SLCO3A1: variants seen among roughly 807,000 people sequenced by gnomAD.
SLCO3A1 encodes the protein solute carrier organic anion transporter family member 3A1, also known as PGE1 transporter.
Under a neutral mutation model 63.1 loss-of-function variants are expected in SLCO3A1, and 27 were observed. That is an observed-to-expected ratio of 0.43 (90% CI 0.32 to 0.59). The LOEUF (loss-of-function observed/expected upper bound fraction) is 0.59, where lower values mean the gene tolerates loss of function less well. SLCO3A1 is among the 20% of genes least tolerant of loss of function. The pLI is 0.09. For synonymous variants in SLCO3A1, 473 were observed against 409.9 expected, an observed-to-expected ratio of 1.15 and a Z score of -1.86; for missense variants, 773 against 945.8, an observed-to-expected ratio of 0.82 and a Z score of 2.40.
chr15:92,161,336 T>A (rs923202822), intron 9 of SLCO3A1, among the ~76,000 whole-genome samples: 1 of 152,232 alleles, frequency 6.6e-6, no homozygotes, highest in Non-Finnish European at 1.5e-5. Flanking sequence ...CCAAATGCTC[T>A]GATTTCAGTG....
chr15:91,929,486 C>T (rs923319799), intron 2 of SLCO3A1, among the ~76,000 whole-genome samples: 4 of 152,102 alleles, frequency 2.6e-5, no homozygotes, highest in African/African-American at 9.7e-5. Context: ...AGACTCAGCT[C>T]CTCCAGCTTA....
chr15:92,021,156 G>A lies in SLCO3A1; in HGVS notation c.647-73725G>A, dbSNP rs186322660. On this transcript the variant is annotated intron_variant, in intron 2 of 9. Transcript: ENST00000318445. ...TATGGTTGTGCTTGTTGTCATCATC[G>A]CATCCTCACATTTTTGGGTGGCCCA... Among the ~76,000 whole-genome samples the A allele has an allele frequency of 7.3e-4, 111 of 152,264 alleles. No homozygotes were observed. The Middle Eastern group carries it at 0.01, about 14-fold the overall frequency.
chr15:92,143,905 C>G (rs2048184521), intron 7 of SLCO3A1, among the ~76,000 whole-genome samples: 1 of 152,158 alleles, frequency 6.6e-6, no homozygotes, highest in African/African-American at 2.4e-5. Context: ...GGCATGGCTG[C>G]TCAGGAGATC....
At position 91,860,488 on chromosome 15, in the gene SLCO3A1, C is replaced by T. The variant is rs1180509347; in HGVS notation, c.180+6400C>T. On this transcript the variant is annotated intron_variant, in intron 1 of 9. Transcript: ENST00000318445. The surrounding 1 kb of genome is among the most constrained non-coding windows in gnomAD (Gnocchi z 5.5). ...TTGCTTTAACAGTAATGGTATAACC[C>T]TGCTCGTTGACATTAGCACCAACAA... is the stretch of plus-strand genomic sequence containing the variant. Among the ~76,000 whole-genome samples the T allele has an allele frequency of 6.6e-6, 1 of 152,186 alleles. No homozygotes were observed. Among genetic ancestry groups the T allele is most frequent in the Non-Finnish European group, 1.5e-5 (1 of 68,034 alleles).
intron 2 of SLCO3A1, among the ~76,000 whole-genome samples, chr15:91,998,777 T>A (rs1223178813): frequency 6.6e-6 from 1 of 152,132 alleles, no homozygotes; most frequent in African/African-American, 2.4e-5. Flanking sequence ...AACTCACCAA[T>A]CCCATTACTG....
At chr15:91,926,930 T>C (rs1254857779) in intron 2 of SLCO3A1, among the ~76,000 whole-genome samples, 2 of 152,140 alleles carry the variant, frequency 1.3e-5, no homozygotes, top group African/African-American at 2.4e-5. Flanking sequence ...TGTTAGACTT[T>C]GGTGACAGGC....
chr15:92,004,093 CCTT>C (rs2046286455), intron 2 of SLCO3A1, among the ~76,000 whole-genome samples: 2 of 152,214 alleles, frequency 1.3e-5, no homozygotes, highest in African/African-American at 2.4e-5. Flanking sequence ...CCCACCCAGA[CCTT>C]CTGGGAGAGG....
intron 2 of SLCO3A1, among the ~76,000 whole-genome samples, chr15:91,973,840 G>A (rs926076498): frequency 6.6e-6 from 1 of 152,182 alleles, no homozygotes; most frequent in Non-Finnish European, 1.5e-5. Context: ...GCAGGCTCTC[G>A]AAGTGGTTTG....
intron 2 of SLCO3A1, among the ~76,000 whole-genome samples, chr15:92,072,738 G>A (rs989621717): frequency 2.6e-5 from 4 of 151,980 alleles, no homozygotes; most frequent in Admixed American, 2.6e-4. Flanking sequence ...GGCTTTACTG[G>A]CATCCTCTGC....
rs1416716095 is a variant in SLCO3A1, at chr15:91,941,989, C to T, written c.646+25531C>T. Among the ~76,000 whole-genome samples the T allele has an allele frequency of 1.3e-5, 2 of 152,110 alleles. No homozygotes were observed. The highest frequency in any genetic ancestry group is 2.4e-5 in the African/African-American group (1 of 41,414). On this transcript the variant is annotated intron_variant, in intron 2 of 9. Coordinates refer to ENST00000318445, the MANE Select transcript of SLCO3A1 (RefSeq NM_013272.4). This position sits in a 1 kb window ranked among gnomAD's most constrained non-coding sequence, Gnocchi z 4.4. ...CTTTGAGCTAGGTCTTACCCATCCA[C>T]GACAAAAATGAGAGAACAGTACAAG...
chr15:92,098,679 G>C (rs145483533), intron 3 of SLCO3A1, among the ~76,000 whole-genome samples: 76 of 152,246 alleles, frequency 5.0e-4, no homozygotes, highest in African/African-American at 1.7e-3. Context: ...CATTCTCATG[G>C]GAGTGTAGAT....
At chr15:92,046,329 A>G (rs1334156304) in intron 2 of SLCO3A1, among the ~76,000 whole-genome samples, 2 of 152,002 alleles carry the variant, frequency 1.3e-5, no homozygotes, top group African/African-American at 4.8e-5. Flanking sequence ...AGCCTGGCCA[A>G]CATGGTGAAA....
downstream of SLCO3A1, among the ~76,000 whole-genome samples, chr15:92,169,946 C>T (rs535219764): frequency 6.6e-6 from 1 of 152,142 alleles, no homozygotes; most frequent in South Asian, 2.1e-4. Flanking sequence ...AATAGTGACT[C>T]AGGTCAACAA....
chr15:92,135,952 G>A (rs1019910787), intron 7 of SLCO3A1, among the ~76,000 whole-genome samples: 2 of 152,122 alleles, frequency 1.3e-5, no homozygotes, highest in Admixed American at 6.5e-5. Context: ...AGGAGCACTT[G>A]AGGCCCCAAA....
chr15:92,038,576 C>G (rs888134811), intron 2 of SLCO3A1, among the ~76,000 whole-genome samples: 1 of 152,110 alleles, frequency 6.6e-6, no homozygotes, highest in Admixed American at 6.5e-5. Flanking sequence ...AGGGGAGCTA[C>G]AAACCACTGC....
chr15:91,932,216 G>T (rs2151391227), intron 2 of SLCO3A1, among the ~76,000 whole-genome samples: 1 of 152,266 alleles, frequency 6.6e-6, no homozygotes, highest in Middle Eastern at 3.4e-3. Flanking sequence ...TGAATATAAT[G>T]TTCACTGATC....
chr15:92,075,830 T>G (rs1320437685), intron 2 of SLCO3A1, among the ~76,000 whole-genome samples: 1 of 152,234 alleles, frequency 6.6e-6, no homozygotes, highest in Non-Finnish European at 1.5e-5. Flanking sequence ...GTTCTGTGTC[T>G]CAGCATCATG....
chr15:92,166,863 C>T (rs2048496339), downstream of SLCO3A1, among the ~76,000 whole-genome samples: 1 of 152,160 alleles, frequency 6.6e-6, no homozygotes, highest in Non-Finnish European at 1.5e-5. Flanking sequence ...CTGCTGCTTC[C>T]GGTCCTAGGA....
chr15:92,101,512 GAAA>G (rs372118233), intron 3 of SLCO3A1, among the ~76,000 whole-genome samples: 1 of 146,016 alleles, frequency 6.8e-6, no homozygotes, highest in Non-Finnish European at 1.5e-5. Flanking sequence ...CACCTCAAAA[GAAA>G]AAAAAAAATT....
Sources: gnomAD v4.1 joint callset for allele counts (sites outside exome capture counted in the v4.1 genomes callset) on GRCh38, gnomAD v4.1.1 for gene constraint, Gnocchi (gnomAD v3.1) non-coding constraint, MANE v1.5 for transcripts, NCBI Gene and HGNC (gene_info 2026-07-23, HGNC 2026-07-21) for gene names.